CORO2B: variants seen among roughly 807,000 people sequenced by gnomAD.
CORO2B encodes coronin-2B.
A neutral mutation model predicts 58.8 loss-of-function variants in CORO2B; 26 were observed. The observed-to-expected ratio is 0.44, with a 90% CI of 0.32 to 0.61. The LOEUF (loss-of-function observed/expected upper bound fraction) is 0.61. CORO2B is among the 20% of genes least tolerant of loss of function. The probability of loss-of-function intolerance (pLI) is 0.04; values close to 1 mark genes in which losing one functional copy is unlikely to be tolerated. For missense variants in CORO2B, 460 were observed against 645.1 expected (o/e 0.71, Z 3.11); for synonymous variants, 242 against 253.8 (o/e 0.95, Z 0.44).
At chr15:68,571,642 T>C in the CORO2B span, among the ~76,000 whole-genome samples, 1 of 152,200 alleles carries the variant, frequency 6.6e-6, no homozygotes, top group Non-Finnish European at 1.5e-5. Flanking sequence ...CATTTTAAAA[T>C]CAAATTGTTT....
chr15:68,716,330 A>G (rs1334394637), intron 8 of CORO2B, among the ~76,000 whole-genome samples: 1 of 152,228 alleles, frequency 6.6e-6, no homozygotes, highest in Non-Finnish European at 1.5e-5. Context: ...AATGTGGATA[A>G]TCAAACCTTC....
chr15:68,559,612 T>C, the CORO2B span: 9 of 985,162 alleles, frequency 9.1e-6, no homozygotes, highest in Admixed American at 6.2e-5. The surrounding 1 kb of genome is among the most constrained non-coding windows in gnomAD (Gnocchi z 4.3). Context: ...AGCGTGCTGA[T>C]GGTAAGAGGC....
intron 2 of CORO2B, among the ~76,000 whole-genome samples, chr15:68,659,293 T>TC (rs1419297525): frequency 6.6e-6 from 1 of 152,100 alleles, no homozygotes; most frequent in Non-Finnish European, 1.5e-5. Flanking sequence ...AACTTTCAAC[T>TC]CCCCCAAAAC....
intron 2 of CORO2B, among the ~76,000 whole-genome samples, chr15:68,666,784 T>C (rs2140291678): frequency 6.6e-6 from 1 of 152,258 alleles, no homozygotes; most frequent in South Asian, 2.1e-4. Flanking sequence ...CTTTCTTATC[T>C]ACACTATTGC....
intron 8 of CORO2B, among the ~76,000 whole-genome samples, chr15:68,718,374 C>T (rs1264943493): frequency 6.6e-6 from 1 of 152,198 alleles, no homozygotes; most frequent in Non-Finnish European, 1.5e-5. Flanking sequence ...TAACCCCTTG[C>T]CCTCTGACCC....
the CORO2B span, among the ~76,000 whole-genome samples, chr15:68,551,212 G>A: frequency 6.6e-6 from 1 of 151,992 alleles, no homozygotes; most frequent in African/African-American, 2.4e-5. Context: ...AGAGAGAGGG[G>A]CCGCTCACAG....
At chr15:68,577,775 G>A (rs963078387), upstream of CORO2B, among the ~76,000 whole-genome samples, 5 of 150,610 alleles carry the variant, frequency 3.3e-5, no homozygotes, top group Non-Finnish European at 7.4e-5. Context: ...AGCACTTCCT[G>A]GAGGCTGGTT....
chr15:68,705,611 G>C (rs989268212), intron 3 of CORO2B, among the ~76,000 whole-genome samples: 3 of 152,082 alleles, frequency 2.0e-5, no homozygotes, highest in African/African-American at 7.2e-5. Flanking sequence ...ACAGTTCTTG[G>C]TGAAAACAGC....
At chr15:68,651,285 G>T (rs1009756683) in intron 2 of CORO2B, among the ~76,000 whole-genome samples, 9 of 152,202 alleles carry the variant, frequency 5.9e-5, no homozygotes, top group Non-Finnish European at 1.0e-4. Flanking sequence ...GTCAGGGCTG[G>T]GCCTGCAGGC....
At chr15:68,652,586 C>A (rs1901676643) in intron 2 of CORO2B, among the ~76,000 whole-genome samples, 1 of 152,220 alleles carries the variant, frequency 6.6e-6, no homozygotes, top group African/African-American at 2.4e-5. Context: ...TATAACCCAG[C>A]CATTCTCAGT....
At chr15:68,531,990 T>A in the CORO2B span, among the ~76,000 whole-genome samples, 1 of 152,150 alleles carries the variant, frequency 6.6e-6, no homozygotes, top group South Asian at 2.1e-4. Flanking sequence ...ATGTCTTTCA[T>A]TGTATTCTAA....
Position 68,695,122 on chromosome 15 carries a change from TC to T in CORO2B, c.217-17del. The T allele has an allele frequency of 1.3e-6, 2 of 1,599,716 alleles. No individual in the cohort carries two copies. The highest frequency in any genetic ancestry group is 1.7e-6 in the Non-Finnish European group (2 of 1,167,324). On this transcript the variant is annotated splice_polypyrimidine_tract_variant and intron_variant, in intron 2 of 11. Coordinates refer to ENST00000261861, the MANE Select transcript of CORO2B (RefSeq NM_006091.5). ...TCAAACTAATCTCCTTCTCTCTCTC[TC>T]TCTTTCTCCTCTGCAGACAGGCAGG...
chr15:68,693,003 G>A (rs1052350275), intron 2 of CORO2B, among the ~76,000 whole-genome samples: 2 of 152,074 alleles, frequency 1.3e-5, no homozygotes, highest in Non-Finnish European at 2.9e-5. Context: ...ATCTTTCATA[G>A]AATATTGAAA....
chr15:68,559,215 G>A, the CORO2B span, among the ~76,000 whole-genome samples: 3 of 152,026 alleles, frequency 2.0e-5, no homozygotes, highest in Non-Finnish European at 4.4e-5. This position sits in a 1 kb window ranked among gnomAD's most constrained non-coding sequence, Gnocchi z 4.3. Flanking sequence ...TTAAAAATCT[G>A]ATGTAGAAAT....
upstream of CORO2B, among the ~76,000 whole-genome samples, chr15:68,578,783 G>A (rs1899337658): frequency 5.9e-5 from 9 of 152,014 alleles, no homozygotes; most frequent in Admixed American, 5.9e-4. The surrounding 1 kb of genome is among the most constrained non-coding windows in gnomAD (Gnocchi z 4.2). Context: ...CCGCAGGCCC[G>A]AAGGGGTTAA....
chr15:68,654,510 G>T (rs1344082667), intron 2 of CORO2B, among the ~76,000 whole-genome samples: 1 of 152,326 alleles, frequency 6.6e-6, no homozygotes, highest in East Asian at 1.9e-4. Flanking sequence ...TGAAGCATCT[G>T]GCAGTCTGCT....
upstream of CORO2B, among the ~76,000 whole-genome samples, chr15:68,577,534 C>T (rs1057137819): frequency 1.1e-4 from 17 of 151,866 alleles, no homozygotes; most frequent in African/African-American, 3.9e-4. Context: ...CCAGCCTGGC[C>T]AATACGGTGA....
intron 1 of CORO2B, among the ~76,000 whole-genome samples, chr15:68,632,798 G>A (rs750021023): frequency 1.3e-5 from 2 of 152,160 alleles, no homozygotes; most frequent in Non-Finnish European, 2.9e-5. Context: ...TGCCACGTTG[G>A]TCAGGCTGGT....
intron 3 of CORO2B, among the ~76,000 whole-genome samples, chr15:68,702,539 C>T (rs1892676435): frequency 6.6e-6 from 1 of 152,042 alleles, no homozygotes; most frequent in Non-Finnish European, 1.5e-5. Context: ...GAGATTCTAC[C>T]TCTTGTTTAG....
Sources: allele counts gnomAD v4.1 joint callset (sites outside exome capture counted in the v4.1 genomes callset), GRCh38; gene constraint gnomAD v4.1.1; non-coding constraint Gnocchi (gnomAD v3.1); transcripts MANE v1.5; gene names NCBI Gene and HGNC (gene_info 2026-07-23, HGNC 2026-07-21).